Variants in CACNA1I observed in about 807,000 individuals in gnomAD.
CACNA1I encodes voltage-dependent T-type calcium channel subunit alpha-1I.
Under a neutral mutation model 201.6 loss-of-function variants are expected in CACNA1I, and 74 were observed. That is an observed-to-expected ratio of 0.37 (90% CI 0.30 to 0.45). The LOEUF is 0.45. Ranked by LOEUF, CACNA1I falls within the 20% of genes least tolerant of loss-of-function variation. The pLI, the probability that CACNA1I is intolerant of heterozygous loss-of-function variation, is 1.00. For missense variants in CACNA1I, 2,346 were observed against 3,138.1 expected, an observed-to-expected ratio of 0.75 and a Z score of 6.03; for synonymous variants, 1,431 against 1,345.2, an observed-to-expected ratio of 1.06 and a Z score of -1.40.
intron 4 of CACNA1I, 56 bp from the exon 5 acceptor site, chr22:39,634,509 C>T (rs1022980312): frequency 2.1e-5 from 33 of 1,566,348 alleles, no homozygotes; most frequent in African/African-American, 1.6e-4. Flanking sequence ...CTCACTCTTT[C>T]GTCTCTGGGA....
rs1935170126 is a variant in CACNA1I at position 39,665,768 on chromosome 22, G to T, written c.3979-113G>T. The T allele has an allele frequency of 3.9e-6, 6 of 1,545,590 alleles. No homozygotes were observed. In the East Asian group the frequency reaches 9.0e-5, roughly 23 times the overall value. ...CTCCTCCAGGGAGGGAGACAGACAT[G>T]GGCCCAGATGACTGAGCACAAGACA... is the stretch of plus-strand genomic sequence containing the variant. On this transcript the variant is annotated intron_variant, in intron 22 of 36. Coordinates refer to ENST00000402142, the MANE Select transcript of CACNA1I (RefSeq NM_021096.4). The surrounding 1 kb of genome is among the most constrained non-coding windows in gnomAD (Gnocchi z 5.5).
In CACNA1I at chr22:39,684,850, T is replaced by G; in HGVS notation, c.6027+352T>G. 1 of 452,458 alleles carries G rather than the reference T, an allele frequency of 2.2e-6. No homozygotes were observed. The highest frequency in any genetic ancestry group is 2.0e-5 in the African/African-American group (1 of 49,858). The allele number at this position is 452,458 out of a possible 1,614,324, so 28.0% of individuals were successfully genotyped here. The stretch of plus-strand genomic sequence containing the variant: ...GGTGCTGGCAGTGGGGAGGACACCC[T>G]GGGTGCTCTGGGTGGGTGTGAGTGG... On this transcript the variant is annotated intron_variant, in intron 36 of 36. Transcript: ENST00000402142. The surrounding 1 kb of genome is among the most constrained non-coding windows in gnomAD (Gnocchi z 4.6).
chr22:39,576,294 T>C (rs1482067177), intron 1 of CACNA1I, among the ~76,000 whole-genome samples: 1 of 152,254 alleles, frequency 6.6e-6, no homozygotes, highest in African/African-American at 2.4e-5. Flanking sequence ...AAGCATTTTG[T>C]CAGCTTTAAC....
intron 28 of CACNA1I, 130 bp downstream of exon 28, chr22:39,673,212 T>A: frequency 9.8e-7 from 1 of 1,016,590 alleles, no homozygotes. Context: ...CATGGTGGGC[T>A]CCTTGCTGAA....
Position 39,662,189 on chromosome 22 carries a change from C to A in CACNA1I, c.3126C>A (p.His1042Gln), listed in dbSNP as rs1170958879. The A allele has an allele frequency of 6.5e-7, 1 of 1,529,042 alleles. No homozygotes were observed. The highest frequency in any genetic ancestry group is 1.2e-5 in the South Asian group (1 of 82,254). The allele number at this position is 1,529,042 out of a possible 1,614,324, so 94.7% of individuals were successfully genotyped here. A position where few individuals can be genotyped will look rare whatever the true frequency, so the allele number is the denominator to read the frequency against. ...CCCCACACGCCCACCACATTCATCA[C>A]GGGCCCCATCTGGCGCACCGCCACC... ...LHTPHAHHIHHGPHLAHRHRH... is the reference protein window; with the variant it reads ...LHTPHAHHIHQGPHLAHRHRH... Residue 1042 changes from histidine (H) to glutamine (Q), a missense_variant, in exon 17 of 37, where the codon CAC becomes CAA. Physicochemically the swap from His to Gln is conservative, Grantham distance 24. Coordinates refer to ENST00000402142, the MANE Select transcript of CACNA1I (RefSeq NM_021096.4).
chr22:39,676,990 G>A lies in CACNA1I; in HGVS notation c.4855-351G>A, dbSNP rs570000957. The stretch of plus-strand genomic sequence containing the variant: ...ACTAGCTGTGCGACTCTGGACAAGT[G>A]ATGTCACCTCTCAGTCTGTCTCCTT... On this transcript the variant is annotated intron_variant, in intron 29 of 36. Coordinates refer to ENST00000402142, the MANE Select transcript of CACNA1I (RefSeq NM_021096.4). This position sits in a 1 kb window ranked among gnomAD's most constrained non-coding sequence, Gnocchi z 4.8. Among the ~76,000 whole-genome samples, 2 of 152,214 alleles carry A rather than the reference G, an allele frequency of 1.3e-5. No homozygotes were observed. Among genetic ancestry groups the A allele is most frequent in the African/African-American group, 2.4e-5 (1 of 41,458 alleles).
Position 39,684,228 on chromosome 22 carries a change from T to C in CACNA1I, c.5831-74T>C. On this transcript the variant is annotated intron_variant, in intron 35 of 36. Transcript: ENST00000402142. The surrounding 1 kb of genome is among the most constrained non-coding windows in gnomAD (Gnocchi z 4.6). ...ACTGCTGGCCCAGTGAGATTGGTGC[T>C]CAATGCCACCTTCCAGGGGCTGCCC... The C allele has an allele frequency of 1.5e-6, 2 of 1,347,144 alleles. No individual in the cohort carries two copies. The highest frequency in any genetic ancestry group is 2.5e-5 in the South Asian group (2 of 80,258). 83.4% of individuals were successfully genotyped at this position (1,347,144 alleles called of 1,614,324 possible). A position where few individuals can be genotyped will look rare whatever the true frequency, so the allele number is the denominator to read the frequency against.
chr22:39,649,589 C>T lies in CACNA1I; in HGVS notation c.1656C>T (p.Ser552=). Residue 552 remains serine (S), a synonymous_variant, in exon 10 of 37, where the codon AGC becomes AGT. Transcript: ENST00000402142. The surrounding 1 kb of genome is among the most constrained non-coding windows in gnomAD (Gnocchi z 7.3). ...CCACGCTGGCTTCCGATCCCGCCAG[C>T]TGCCCTTGCTGCCAGCATGAGGACG... ...IPATLASDPA[S]CPCCQHEDGR... 1.9e-6 allele frequency: 3 copies of T among 1,543,790 alleles called. No individual in the cohort carries two copies. The highest frequency in any genetic ancestry group is 2.6e-6 in the Non-Finnish European group (3 of 1,143,848).
intron 1 of CACNA1I, among the ~76,000 whole-genome samples, chr22:39,578,589 C>T (rs530961937): frequency 3.9e-4 from 59 of 152,092 alleles, no homozygotes; most frequent in Admixed American, 3.5e-3. Context: ...CTGGGCTCCC[C>T]CTCTCCTCCC....
At chr22:39,576,885 T>C (rs1932373647) in intron 1 of CACNA1I, among the ~76,000 whole-genome samples, 1 of 152,204 alleles carries the variant, frequency 6.6e-6, no homozygotes, top group South Asian at 2.1e-4. Context: ...TCTGTCTGCT[T>C]CTGCTCCCCT....
chr22:39,584,900 C>G (rs1305811711), intron 1 of CACNA1I, among the ~76,000 whole-genome samples: 2 of 152,202 alleles, frequency 1.3e-5, no homozygotes, highest in Non-Finnish European at 2.9e-5. Context: ...TCACGGCCAT[C>G]ACTTTGAGGC....
At chr22:39,591,816 C>A (rs947213013) in intron 1 of CACNA1I, among the ~76,000 whole-genome samples, 1 of 152,028 alleles carries the variant, frequency 6.6e-6, no homozygotes, top group African/African-American at 2.4e-5. Flanking sequence ...CGCCTTGGCC[C>A]CCCAAAGTGC....
At chr22:39,620,697 G>T (rs78634990) in intron 4 of CACNA1I, among the ~76,000 whole-genome samples, 3 of 152,098 alleles carry the variant, frequency 2.0e-5, no homozygotes, top group African/African-American at 7.2e-5. Flanking sequence ...GGGAAAGAGA[G>T]GATGAGGGCC....
Position 39,663,796 on chromosome 22 carries a change from C to T in CACNA1I, c.3552C>T (p.Cys1184=). The change falls in exon 19 of 37, where the codon TGC becomes TGT. Residue 1184 remains cysteine (C), a synonymous_variant. Coordinates refer to ENST00000402142, the MANE Select transcript of CACNA1I (RefSeq NM_021096.4). ...TCCTGGCCTTCATCTTTCTCAACTG[C>T]ATCACCATCGCCCTGGAGCGGCCTC... ...YVVLAFIFLN[C]ITIALERPQI... 6.2e-7 allele frequency: 1 copy of T among 1,613,782 alleles called. No individual in the cohort carries two copies. Among genetic ancestry groups the T allele is most frequent in the Non-Finnish European group, 8.5e-7 (1 of 1,179,798 alleles).
chr22:39,595,812 A>G (rs1264449908), intron 1 of CACNA1I, among the ~76,000 whole-genome samples: 1 of 152,060 alleles, frequency 6.6e-6, no homozygotes, highest in Non-Finnish European at 1.5e-5. Context: ...TTCATCCGAC[A>G]GATGTTCATT....
chr22:39,652,826 A>G (rs1934687878), intron 10 of CACNA1I, among the ~76,000 whole-genome samples: 1 of 152,090 alleles, frequency 6.6e-6, no homozygotes, highest in Non-Finnish European at 1.5e-5. Flanking sequence ...GTTTGCTTGA[A>G]CCCAGGAATT....
At position 39,665,601 on chromosome 22, in the gene CACNA1I, A is replaced by C; in HGVS notation, c.3955A>C (p.Ile1319Leu). ...GCTCATCTGCTGTGCCTTCTTCATC[A>C]TCTTTGGCATCCTGGGAGTGCAGGT... ...IVLICCAFFI[I>L]FGILGVQLFK... Residue 1319 changes from isoleucine to leucine, a missense_variant, in exon 22 of 37, where the codon ATC (isoleucine) becomes CTC (leucine). Ile to Leu is a conservative substitution (Grantham distance 5). Coordinates refer to ENST00000402142, the MANE Select transcript of CACNA1I (RefSeq NM_021096.4). This position sits in a 1 kb window ranked among gnomAD's most constrained non-coding sequence, Gnocchi z 5.5. 1 of 1,613,676 alleles carries C rather than the reference A, an allele frequency of 6.2e-7. No homozygotes were observed. The highest frequency in any genetic ancestry group is 8.5e-7 in the Non-Finnish European group (1 of 1,179,766).
intron 10 of CACNA1I, among the ~76,000 whole-genome samples, chr22:39,653,215 G>C (rs780467879): frequency 3.9e-5 from 6 of 152,188 alleles, no homozygotes; most frequent in Non-Finnish European, 7.3e-5. Context: ...CACTGCTTCA[G>C]AGTCTTGTCT....
At chr22:39,636,641 G>T (rs1934226368) in intron 5 of CACNA1I, among the ~76,000 whole-genome samples, 1 of 152,214 alleles carries the variant, frequency 6.6e-6, no homozygotes, top group Non-Finnish European at 1.5e-5. Context: ...CTTGTTTAGG[G>T]CAGGGAGCAG....
Sources: allele counts gnomAD v4.1 joint callset (sites outside exome capture counted in the v4.1 genomes callset), GRCh38; gene constraint gnomAD v4.1.1; non-coding constraint Gnocchi (gnomAD v3.1); transcripts MANE v1.5; gene names NCBI Gene and HGNC (gene_info 2026-07-23, HGNC 2026-07-21).